The following ZNF254 variants were observed in gnomAD, a reference collection of about 807,000 sequenced individuals.
ZNF254 encodes zinc finger protein 254.
A neutral mutation model predicts 12.4 loss-of-function variants in ZNF254; 10 were observed. That is an observed-to-expected ratio of 0.80 (90% CI 0.50 to 1.36). ZNF254 has a LOEUF of 1.36. ZNF254 is among the 40% of genes most tolerant of loss of function. The probability of loss-of-function intolerance (pLI) is 0.00; values close to 1 mark genes in which losing one functional copy is unlikely to be tolerated. For missense variants in ZNF254, 996 were observed against 763.9 expected, an observed-to-expected ratio of 1.30 and a Z score of -3.58; for synonymous variants, 305 against 253.4, an observed-to-expected ratio of 1.20 and a Z score of -1.93.
chr19:24,097,338 G>A (rs1249262491), intron 1 of ZNF254, among the ~76,000 whole-genome samples: 3 of 152,132 alleles, frequency 2.0e-5, no homozygotes, highest in African/African-American at 7.2e-5. Flanking sequence ...TACTGAGTAA[G>A]TTGTTTGACA....
intron 1 of ZNF254, among the ~76,000 whole-genome samples, chr19:24,091,309 A>T (rs1395109519): frequency 7.6e-6 from 1 of 131,402 alleles, no homozygotes; most frequent in Admixed American, 7.2e-5. Flanking sequence ...CAAGGAAAAA[A>T]ATAAAGAAAA....
chr19:24,070,426 G>A (rs10402196), intron 2 of ZNF254, among the ~76,000 whole-genome samples: 22,092 of 152,150 alleles, frequency 0.15, 2,553 homozygotes, highest in African/African-American at 0.32. Flanking sequence ...GCAGTGGGAA[G>A]TTGCAAAGTT....
At chr19:24,049,491 C>T (rs1009752317) in intron 2 of ZNF254, 1 of 151,972 alleles carries the variant, frequency 6.6e-6, no homozygotes, top group Non-Finnish European at 1.5e-5. Context: ...AGTTGTTGCT[C>T]CCGCCTGAGC....
At chr19:24,094,056 A>G (rs1972540964) in intron 1 of ZNF254, among the ~76,000 whole-genome samples, 1 of 151,956 alleles carries the variant, frequency 6.6e-6, no homozygotes, top group Non-Finnish European at 1.5e-5. Flanking sequence ...TGTGTTTATG[A>G]TTCGTATTTG....
intron 2 of ZNF254, among the ~76,000 whole-genome samples, chr19:24,062,309 A>G (rs1971108261): frequency 6.6e-6 from 1 of 152,294 alleles, no homozygotes; most frequent in East Asian, 1.9e-4. Flanking sequence ...GAAAGAGCCC[A>G]CTGACTGATG....
intron 3 of ZNF254, among the ~76,000 whole-genome samples, chr19:24,120,451 T>G (rs1030128945): frequency 2.0e-5 from 3 of 152,172 alleles, no homozygotes; most frequent in Non-Finnish European, 4.4e-5. Flanking sequence ...AATTATTTTG[T>G]GTATTAACAT....
intron 2 of ZNF254, chr19:24,049,616 T>C (rs1440173177): frequency 2.6e-5 from 4 of 152,148 alleles, no homozygotes; most frequent in Non-Finnish European, 5.9e-5. Flanking sequence ...CTGGGTCTTG[T>C]ACCCAGGTGG....
At chr19:24,048,496 C>T (rs1243140235) in intron 2 of ZNF254, among the ~76,000 whole-genome samples, 3 of 152,160 alleles carry the variant, frequency 2.0e-5, no homozygotes, top group South Asian at 2.1e-4. Context: ...AGTGCAGTAC[C>T]GCTTAGGTCC....
At chr19:24,071,482 T>C (rs1477016480) in intron 2 of ZNF254, among the ~76,000 whole-genome samples, 1 of 152,214 alleles carries the variant, frequency 6.6e-6, no homozygotes, top group Non-Finnish European at 1.5e-5. Flanking sequence ...ACTGGGGTGA[T>C]TGTGGCGTAT....
chr19:24,061,663 G>A (rs1220295444), intron 2 of ZNF254, among the ~76,000 whole-genome samples: 1 of 152,150 alleles, frequency 6.6e-6, no homozygotes, highest in Non-Finnish European at 1.5e-5. Flanking sequence ...TCTCCTGGGT[G>A]GTTTGTGCCA....
At chr19:24,038,480 T>G (rs1243824043) in intron 1 of ZNF254, among the ~76,000 whole-genome samples, 1 of 152,158 alleles carries the variant, frequency 6.6e-6, no homozygotes, top group Non-Finnish European at 1.5e-5. Flanking sequence ...CTTCACATTC[T>G]GGAGTAATTC....
chr19:24,089,350 T>C (rs956061004), intron 1 of ZNF254, among the ~76,000 whole-genome samples: 2 of 152,338 alleles, frequency 1.3e-5, no homozygotes, highest in Admixed American at 6.5e-5. Context: ...ATATTTCCTA[T>C]GAGAAGAAAG....
chr19:24,116,723 G>T (rs1200005768), intron 3 of ZNF254, among the ~76,000 whole-genome samples: 1 of 152,158 alleles, frequency 6.6e-6, no homozygotes, highest in African/African-American at 2.4e-5. Context: ...ACCCAGCTTT[G>T]TTCCATTGAT....
At chr19:24,090,108 G>T (rs1039529074) in intron 1 of ZNF254, among the ~76,000 whole-genome samples, 1 of 151,866 alleles carries the variant, frequency 6.6e-6, no homozygotes, top group African/African-American at 2.4e-5. Flanking sequence ...TAAGGCAGGA[G>T]AATCAGTTGA....
chr19:24,076,624 T>C (rs903963299), intron 2 of ZNF254, among the ~76,000 whole-genome samples: 5 of 152,164 alleles, frequency 3.3e-5, no homozygotes, highest in Admixed American at 6.6e-5. Context: ...AGAGATCCAT[T>C]GTAAAATTAT....
chr19:24,061,237 A>G (rs1348107852), intron 2 of ZNF254, among the ~76,000 whole-genome samples: 2 of 151,226 alleles, frequency 1.3e-5, no homozygotes, highest in Non-Finnish European at 2.9e-5. Context: ...TTCATCACCT[A>G]ACCGATGTGA....
intron 1 of ZNF254, among the ~76,000 whole-genome samples, chr19:24,094,049 G>A (rs946382348): frequency 2.5e-4 from 38 of 152,118 alleles, no homozygotes; most frequent in Non-Finnish European, 7.4e-5. Context: ...AAGGGATTGT[G>A]TTTATGATTC....
chr19:24,105,835 TATAA>T, intron 1 of ZNF254, 101 bp from the exon 2 acceptor site: 3 of 1,487,596 alleles, frequency 2.0e-6, no homozygotes, highest in Non-Finnish European at 2.7e-6. Context: ...CAATCACTCT[TATAA>T]GTCAGAACCA....
At chr19:24,048,393 CCTT>C (rs1202066193) in intron 2 of ZNF254, among the ~76,000 whole-genome samples, 1 of 152,246 alleles carries the variant, frequency 6.6e-6, no homozygotes, top group Non-Finnish European at 1.5e-5. Context: ...GCTGGCTTCT[CCTT>C]CTGGCTGCCA....
Sources: allele counts gnomAD v4.1 joint callset (sites outside exome capture counted in the v4.1 genomes callset), GRCh38; gene constraint gnomAD v4.1.1; transcripts MANE v1.5; gene names NCBI Gene and HGNC (gene_info 2026-07-23, HGNC 2026-07-21).